Variants in LZTFL1 observed in about 807,000 individuals in gnomAD.
LZTFL1 encodes the protein leucine zipper transcription factor like 1.
A neutral mutation model predicts 45.9 loss-of-function variants in LZTFL1; 25 were observed. That is an observed-to-expected ratio of 0.54 (90% CI 0.40 to 0.76). The LOEUF (loss-of-function observed/expected upper bound fraction) is 0.76. LZTFL1 is among the 30% of genes least tolerant of loss of function. LZTFL1 has a pLI of 0.00. For missense variants in LZTFL1, 277 were observed against 331.1 expected (o/e 0.84, Z 1.27); for synonymous variants, 93 against 117.4 (o/e 0.79, Z 1.35).
chr3:45,835,570 G>C lies in LZTFL1; in HGVS notation c.323+20C>G, dbSNP rs368274759. The stretch of plus-strand genomic sequence containing the variant: ...TGCTTGGGCCATTATTGTCACAGTT[G>C]CAAGTTCAAATTTTATTACCGGTTT... On this transcript the variant is annotated intron_variant, in intron 3 of 9. Coordinates refer to ENST00000296135, the MANE Select transcript of LZTFL1 (RefSeq NM_020347.4). 6.2e-6 allele frequency: 10 copies of C among 1,606,700 alleles called. No homozygotes were observed. In the Admixed American group the frequency reaches 6.7e-5, roughly 11 times the overall value.
intron 2 of LZTFL1, among the ~76,000 whole-genome samples, chr3:45,861,706 G>A (rs1320329360): frequency 6.6e-6 from 1 of 152,194 alleles, no homozygotes; most frequent in Non-Finnish European, 1.5e-5. Context: ...TAGGAGCATA[G>A]CTGAGACCAT....
rs1389213904 is a variant in LZTFL1 at position 45,830,950 on chromosome 3, G to A, written c.563C>T (p.Ala188Val). ...ALDEKSKLEKALQDLQLDQGN... is the reference protein window; with the variant it reads ...ALDEKSKLEKVLQDLQLDQGN... The stretch of plus-strand genomic sequence containing the variant: ...TTGATCAAGCTGTAAATCTTGCAGT[G>A]CTTTTTCTAGTTTTGACTTTTCATC... The change falls in exon 7 of 10, where the codon GCA (alanine) becomes GTA (valine). Residue 188 changes from alanine (A) to valine (V), a missense_variant. Ala to Val is a moderately conservative substitution (Grantham distance 64, BLOSUM62 0). Coordinates refer to ENST00000296135, the MANE Select transcript of LZTFL1 (RefSeq NM_020347.4). The A allele has an allele frequency of 6.2e-7, 1 of 1,613,978 alleles. No homozygotes were observed. Among genetic ancestry groups the A allele is most frequent in the Non-Finnish European group, 8.5e-7 (1 of 1,179,910 alleles).
chr3:45,874,402 G>A (rs1255565227), intron 2 of LZTFL1, among the ~76,000 whole-genome samples: 4 of 152,182 alleles, frequency 2.6e-5, no homozygotes, highest in Non-Finnish European at 5.9e-5. Flanking sequence ...TCTGTGTGCA[G>A]GATGTGGACA....
At position 45,836,649 on chromosome 3, in the gene LZTFL1, C is replaced by T. The variant is rs543350309; in HGVS notation, c.129-865G>A. Among the ~76,000 whole-genome samples, 12 of 152,072 alleles carry T rather than the reference C, an allele frequency of 7.9e-5. No homozygotes were observed. The South Asian group carries it at 8.3e-4, about 11-fold the overall frequency. The stretch of plus-strand genomic sequence containing the variant: ...CAGCCTGGGCGACAAAGTGAGACTC[C>T]GTCTCAAAAAAACAAACAAAAAAAC... On this transcript the variant is annotated intron_variant, in intron 2 of 9. Coordinates refer to ENST00000296135, the MANE Select transcript of LZTFL1 (RefSeq NM_020347.4).
chr3:45,900,807 C>A lies in LZTFL1; in HGVS notation c.-215+12313G>T, dbSNP rs748168593. 3 of 1,605,232 alleles carry A rather than the reference C, an allele frequency of 1.9e-6. No homozygotes were observed. The highest frequency in any genetic ancestry group is 1.1e-5 in the South Asian group (1 of 89,980). On this transcript the variant is annotated intron_variant, in intron 2 of 4. Coordinates refer to the LZTFL1 transcript ENST00000472635. The surrounding 1 kb of genome is among the most constrained non-coding windows in gnomAD (Gnocchi z 4.7). ...CCTAATGCCATCTTGTGTCCCCTTG[C>A]AGAGCCCTATTCCTAACATGGCTGA...
At chr3:45,841,080 C>A (rs1212326727) in intron 1 of LZTFL1, among the ~76,000 whole-genome samples, 1 of 152,154 alleles carries the variant, frequency 6.6e-6, no homozygotes, top group Non-Finnish European at 1.5e-5. Context: ...TTGTTTTCAA[C>A]GTGTTCTCCT....
intron 2 of LZTFL1, among the ~76,000 whole-genome samples, chr3:45,836,220 G>A (rs11130077): frequency 0.61 from 92,758 of 151,956 alleles, 28,929 homozygotes; most frequent in East Asian, 0.95. Context: ...ACGTCTATGG[G>A]AAATAAATGG....
intron 2 of LZTFL1, among the ~76,000 whole-genome samples, chr3:45,890,329 A>ATATATT (rs1702129520): frequency 1.4e-5 from 1 of 73,138 alleles, no homozygotes; most frequent in South Asian, 3.1e-4. Flanking sequence ...ATATAAATAT[A>ATATATT]TATATAACAT....
intron 2 of LZTFL1, among the ~76,000 whole-genome samples, chr3:45,905,332 C>G (rs1464120432): frequency 6.6e-6 from 1 of 152,220 alleles, no homozygotes; most frequent in Non-Finnish European, 1.5e-5. Context: ...TCTAATCATT[C>G]CTACATTATT....
chr3:45,886,824 TG>T (rs1356227391), intron 2 of LZTFL1, among the ~76,000 whole-genome samples: 1 of 152,204 alleles, frequency 6.6e-6, no homozygotes, highest in African/African-American at 2.4e-5. Context: ...GAATTGGTGA[TG>T]CCCAACCCAG....
At chr3:45,915,499 CA>C (rs1384260730) in exon 1 of LZTFL1, 1 of 456,428 alleles carries the variant, frequency 2.2e-6, no homozygotes, top group Non-Finnish European at 4.4e-6. Flanking sequence ...GCCTTGGGAG[CA>C]GAAAGCGGGG....
Position 45,823,414 on chromosome 3 carries a change from T to C in LZTFL1, c.*2900A>G, listed in dbSNP as rs1053553590. 3.9e-5 allele frequency: 6 copies of C among 152,190 alleles called. No homozygotes were observed. Among genetic ancestry groups the C allele is most frequent in the African/African-American group, 9.7e-5 (4 of 41,440 alleles). The allele number at this position is 152,190 out of a possible 1,614,324, so 9.4% of individuals were successfully genotyped here. ...GTTATACTTCATATAATGTAAGAGA[T>C]TGAGTACTGTTCACATCAATTCATG... On this transcript the variant is annotated 3_prime_UTR_variant, in exon 10 of 10. Coordinates refer to ENST00000296135, the MANE Select transcript of LZTFL1 (RefSeq NM_020347.4).
At chr3:45,828,832 C>T (rs942259107) in intron 7 of LZTFL1, among the ~76,000 whole-genome samples, 1 of 151,998 alleles carries the variant, frequency 6.6e-6, no homozygotes, top group Non-Finnish European at 1.5e-5. Flanking sequence ...TGCACACAGC[C>T]GACACTCAGT....
chr3:45,832,879 G>T, intron 5 of LZTFL1, 171 bp downstream of exon 5: 1 of 555,672 alleles, frequency 1.8e-6, no homozygotes. Flanking sequence ...AGGCTCTCTA[G>T]AAGGTTAAGT....
intron 2 of LZTFL1, among the ~76,000 whole-genome samples, chr3:45,881,600 C>A (rs1301901613): frequency 1.3e-5 from 2 of 152,156 alleles, no homozygotes; most frequent in Non-Finnish European, 2.9e-5. Flanking sequence ...ACTACTTTCT[C>A]CTCATTCCTG....
At chr3:45,853,074 C>T (rs1050267683) in intron 4 of LZTFL1, among the ~76,000 whole-genome samples, 1 of 152,188 alleles carries the variant, frequency 6.6e-6, no homozygotes, top group Non-Finnish European at 1.5e-5. Flanking sequence ...CGAGGCCTTT[C>T]ACACTGAAGG....
intron 2 of LZTFL1, among the ~76,000 whole-genome samples, chr3:45,890,279 T>TATTTATATAAATATAAC (rs1559421394): frequency 7.9e-5 from 6 of 75,774 alleles, no homozygotes; most frequent in South Asian, 3.6e-4. Flanking sequence ...AACATATATA[T>TATTTATATAAATATAAC]ATATTTATAT....
intron 2 of LZTFL1, among the ~76,000 whole-genome samples, chr3:45,898,926 C>T (rs369785162): frequency 3.9e-5 from 6 of 152,106 alleles, no homozygotes; most frequent in East Asian, 1.9e-4. Context: ...CCAGCACTTT[C>T]GGAGGCCAAA....
intron 2 of LZTFL1, among the ~76,000 whole-genome samples, chr3:45,911,860 C>T (rs1203913772): frequency 1.3e-5 from 2 of 152,174 alleles, no homozygotes; most frequent in East Asian, 1.9e-4. Context: ...TTGAGATGGC[C>T]GTAAGATGAT....
Sources: gnomAD v4.1 joint callset for allele counts (sites outside exome capture counted in the v4.1 genomes callset) on GRCh38, gnomAD v4.1.1 for gene constraint, Gnocchi (gnomAD v3.1) non-coding constraint, MANE v1.5 for transcripts, NCBI Gene and HGNC (gene_info 2026-07-23, HGNC 2026-07-21) for gene names.